The following OSBPL10 variants were observed in gnomAD, a reference collection of about 807,000 sequenced individuals.
The protein encoded by OSBPL10 is oxysterol binding protein like 10.
A neutral mutation model predicts 81.7 loss-of-function variants in OSBPL10; 49 were observed. That is an observed-to-expected ratio of 0.60 (90% CI 0.48 to 0.76). The LOEUF is 0.76. Among genes scored for constraint, OSBPL10 ranks in the 30% least tolerant of loss-of-function variants. The probability of loss-of-function intolerance (pLI) is 0.00; values close to 1 mark genes in which losing one functional copy is unlikely to be tolerated. For synonymous variants in OSBPL10, 419 were observed against 383.6 expected, an observed-to-expected ratio of 1.09 and a Z score of -1.08; for missense variants, 923 against 987.8, an observed-to-expected ratio of 0.93 and a Z score of 0.88.
In OSBPL10 at chr3:31,706,143, T is replaced by C. The variant is rs148909081; in HGVS notation, c.1096-3635A>G. 1.1e-4 allele frequency among the ~76,000 whole-genome samples: 16 copies of C among 152,278 alleles called. No individual in the cohort carries two copies. In the East Asian group the frequency reaches 2.1e-3, roughly 20 times the overall value. On this transcript the variant is annotated intron_variant, in intron 6 of 11. Coordinates refer to ENST00000396556, the MANE Select transcript of OSBPL10 (RefSeq NM_017784.5). ...ACAAAAATCAAGCAACTGTGCCTATTAGCAAATGGGGAGAACGATAAGCGA... is the reference window on the plus strand; with the variant it reads ...ACAAAAATCAAGCAACTGTGCCTATCAGCAAATGGGGAGAACGATAAGCGA...
intron 10 of OSBPL10, among the ~76,000 whole-genome samples, chr3:31,665,361 C>A (rs1700164329): frequency 6.6e-6 from 1 of 152,162 alleles, no homozygotes. Flanking sequence ...GAAAATGAGG[C>A]CCCTTCACCC....
intron 2 of OSBPL10, 190 bp downstream of exon 2, chr3:31,879,465 C>G (rs1184615121): frequency 3.4e-6 from 2 of 584,036 alleles, no homozygotes; most frequent in Non-Finnish European, 5.9e-6. Context: ...TTAATTAGGA[C>G]AAGTAATTCC....
At chr3:31,836,668 G>A (rs1450729696) in intron 3 of OSBPL10, among the ~76,000 whole-genome samples, 1 of 151,800 alleles carries the variant, frequency 6.6e-6, no homozygotes, top group African/African-American at 2.4e-5. Context: ...CACTGTCCTT[G>A]GGCATCTGAC....
intron 1 of OSBPL10, among the ~76,000 whole-genome samples, chr3:31,932,682 T>C (rs1697282815): frequency 6.6e-6 from 1 of 152,118 alleles, no homozygotes; most frequent in Non-Finnish European, 1.5e-5. Context: ...ATCATTTTAA[T>C]GATGTCTGCT....
At chr3:31,728,263 T>C (rs1696870521) in intron 6 of OSBPL10, among the ~76,000 whole-genome samples, 1 of 152,204 alleles carries the variant, frequency 6.6e-6, no homozygotes. Flanking sequence ...GATGACTAAC[T>C]AGGCAAAGCT....
intron 1 of OSBPL10, among the ~76,000 whole-genome samples, chr3:31,946,975 G>A (rs959241694): frequency 2.6e-5 from 4 of 152,094 alleles, no homozygotes; most frequent in African/African-American, 4.8e-5. Flanking sequence ...GGCAGCTACG[G>A]CTCAGTGGCT....
At chr3:31,813,014 T>A (rs1407756578) in intron 4 of OSBPL10, among the ~76,000 whole-genome samples, 1 of 152,198 alleles carries the variant, frequency 6.6e-6, no homozygotes, top group African/African-American at 2.4e-5. Context: ...ATAAGTCACA[T>A]ATTATGTGTT....
intron 4 of OSBPL10, among the ~76,000 whole-genome samples, chr3:31,756,531 CT>C (rs376929529): frequency 2.0e-5 from 3 of 152,198 alleles, no homozygotes; most frequent in African/African-American, 7.2e-5. Context: ...TATTCTGACT[CT>C]TTTAATTTAT....
chr3:31,940,219 A>G (rs2125737237), intron 1 of OSBPL10, among the ~76,000 whole-genome samples: 1 of 152,394 alleles, frequency 6.6e-6, no homozygotes, highest in East Asian at 1.9e-4. Flanking sequence ...GTGAACCCAT[A>G]CAATGGAACA....
At position 31,965,120 on chromosome 3, in the gene OSBPL10, C is replaced by T. The variant is rs577501270; in HGVS notation, c.281+15779G>A. Among the ~76,000 whole-genome samples the T allele has an allele frequency of 1.7e-3, 262 of 151,734 alleles. 2 individuals carry two copies. The highest frequency in any genetic ancestry group is 1.7e-3 in the Non-Finnish European group (116 of 67,912). On this transcript the variant is annotated intron_variant, in intron 1 of 11. Transcript: ENST00000396556. ...AAAAATGTAGGCCAGGCGGCCGGGG[C>T]GCACTTTGGGAGGCCAAGGTGGGCG...
intron 3 of OSBPL10, among the ~76,000 whole-genome samples, chr3:31,857,535 A>G (rs1700942351): frequency 6.6e-6 from 1 of 151,884 alleles, no homozygotes; most frequent in African/African-American, 2.4e-5. Context: ...AGAACACAGC[A>G]CTCAGCAAAA....
In OSBPL10 at chr3:31,977,192, A is replaced by G. The variant is rs1698716836; in HGVS notation, c.281+3707T>C. Among the ~76,000 whole-genome samples the G allele has an allele frequency of 2.6e-5, 4 of 152,028 alleles. No homozygotes were observed. In the South Asian group the frequency reaches 8.3e-4, roughly 32 times the overall value. On this transcript the variant is annotated intron_variant, in intron 1 of 11. Transcript: ENST00000396556. ...GGACGTCTCAACCTCCCAGCCTCTC[A>G]GGCCCACAAATCAAGAGTTATTCTT...
At position 31,670,920 on chromosome 3, in the gene OSBPL10, C is replaced by T. The variant is rs772408820; in HGVS notation, c.1790G>A (p.Arg597Gln). 8 of 1,614,116 alleles carry T rather than the reference C, an allele frequency of 5.0e-6. No homozygotes were observed. Among genetic ancestry groups the T allele is most frequent in the Admixed American group, 1.7e-5 (1 of 60,016 alleles). The change falls in exon 9 of 12, where the codon CGG becomes CAG. Residue 597 changes from arginine to glutamine, a missense_variant. Arg to Gln is a conservative substitution (Grantham distance 43). Transcript: ENST00000396556. The stretch of plus-strand genomic sequence containing the variant: ...CACCCACGGGATGGTGAGAATGGAC[C>T]GGGCGTAGGCACTAGGCAGGGTGAA... ...YVFTLPSAYA[R>Q]SILTIPWVEL...
chr3:31,694,878 C>A (rs1490857449), intron 7 of OSBPL10, among the ~76,000 whole-genome samples: 4 of 152,224 alleles, frequency 2.6e-5, no homozygotes, highest in African/African-American at 9.6e-5. Flanking sequence ...CCTCAGCCTC[C>A]CAAGTAGCTG....
chr3:31,676,227 C>T (rs1172193942), intron 8 of OSBPL10, among the ~76,000 whole-genome samples: 1 of 150,898 alleles, frequency 6.6e-6, no homozygotes, highest in East Asian at 2.0e-4. Flanking sequence ...TGTGTTCATT[C>T]ATCAAATCAC....
chr3:31,981,063 C>A lies in OSBPL10; in HGVS notation c.117G>T (p.Gly39=). 3 of 1,491,070 alleles carry A rather than the reference C, an allele frequency of 2.0e-6. No individual in the cohort carries two copies. Among genetic ancestry groups the A allele is most frequent in the South Asian group, 1.3e-5 (1 of 78,800 alleles). 92.4% of individuals were successfully genotyped at this position (1,491,070 alleles called of 1,614,324 possible). A position where few individuals can be genotyped will look rare whatever the true frequency, so the allele number is the denominator to read the frequency against. The change falls in exon 1 of 12, where the codon GGG becomes GGT. Residue 39 remains glycine, a synonymous_variant. Transcript: ENST00000396556. The surrounding 1 kb of genome is among the most constrained non-coding windows in gnomAD (Gnocchi z 4.5). ...SSPSCSLAGR[G]VSSRSAAAGL... ...CGGCCGCCGCCGACCGGCTGGAGAC[C>A]CCCCGGCCCGCCAGAGAGCAGGAGG...
At chr3:31,700,358 A>G (rs1228588059) in intron 7 of OSBPL10, 1 of 152,182 alleles carries the variant, frequency 6.6e-6, no homozygotes, top group East Asian at 1.9e-4. Flanking sequence ...AGTCGCTCAG[A>G]CACTCAGCTT....
At chr3:31,838,135 T>C (rs1307045476) in intron 3 of OSBPL10, among the ~76,000 whole-genome samples, 1 of 152,152 alleles carries the variant, frequency 6.6e-6, no homozygotes, top group African/African-American at 2.4e-5. Flanking sequence ...AAAACCACAA[T>C]GGAAATACGC....
At chr3:31,737,943 G>C (rs1487426084) in intron 5 of OSBPL10, among the ~76,000 whole-genome samples, 2 of 151,046 alleles carry the variant, frequency 1.3e-5, no homozygotes, top group Non-Finnish European at 2.9e-5. Flanking sequence ...AGTGAGCCGA[G>C]ATCATGCCAC....
Sources: allele counts gnomAD v4.1 joint callset (sites outside exome capture counted in the v4.1 genomes callset), GRCh38; gene constraint gnomAD v4.1.1; non-coding constraint Gnocchi (gnomAD v3.1); transcripts MANE v1.5; gene names NCBI Gene and HGNC (gene_info 2026-07-23, HGNC 2026-07-21).